The following GFRAL variants were observed in gnomAD, a reference collection of about 807,000 sequenced individuals.
GFRAL encodes GDNF family receptor alpha like, also known as GDNF family receptor alpha-like.
Under a neutral mutation model 45.4 loss-of-function variants are expected in GFRAL, and 36 were observed. The ratio of observed to expected loss-of-function variants is 0.79; its 90% CI spans 0.61 to 1.05. The LOEUF (loss-of-function observed/expected upper bound fraction) is 1.05. Among genes scored for constraint, GFRAL ranks in the 50% least tolerant of loss-of-function variants. The pLI, the probability that GFRAL is intolerant of heterozygous loss-of-function variation, is 0.00. For missense variants in GFRAL, 507 were observed against 467.5 expected, an observed-to-expected ratio of 1.08 and a Z score of -0.78; for synonymous variants, 166 against 154.1, an observed-to-expected ratio of 1.08 and a Z score of -0.57.
chr6:55,370,616 T>G (rs1457455673), intron 6 of GFRAL, among the ~76,000 whole-genome samples: 2 of 152,214 alleles, frequency 1.3e-5, no homozygotes, highest in Admixed American at 1.3e-4. Flanking sequence ...TAGGGAGCAG[T>G]TCTCAATCTT....
At chr6:55,389,659 C>G (rs1053510579) in intron 6 of GFRAL, among the ~76,000 whole-genome samples, 4 of 152,116 alleles carry the variant, frequency 2.6e-5, no homozygotes, top group African/African-American at 9.7e-5. Flanking sequence ...AGAGCAAGGT[C>G]TTCAATCCAT....
At chr6:55,339,542 T>C (rs566228539) in intron 3 of GFRAL, among the ~76,000 whole-genome samples, 3 of 152,208 alleles carry the variant, frequency 2.0e-5, no homozygotes, top group African/African-American at 7.2e-5. Context: ...AAGAATTTTA[T>C]GACCTATTTG....
At chr6:55,379,162 A>G (rs536985589) in intron 6 of GFRAL, among the ~76,000 whole-genome samples, 16 of 151,910 alleles carry the variant, frequency 1.1e-4, no homozygotes, top group Non-Finnish European at 2.1e-4. Context: ...TTATTTTTAT[A>G]TTTTTAACTT....
At chr6:55,355,388 C>T (rs780479929) in intron 5 of GFRAL, among the ~76,000 whole-genome samples, 5 of 151,934 alleles carry the variant, frequency 3.3e-5, no homozygotes, top group Non-Finnish European at 5.9e-5. Flanking sequence ...GTTTGAATGG[C>T]TATAGAGTAT....
At chr6:55,370,261 T>G (rs562998366) in intron 6 of GFRAL, among the ~76,000 whole-genome samples, 10 of 152,264 alleles carry the variant, frequency 6.6e-5, no homozygotes, top group Admixed American at 1.3e-4. Context: ...ATCACATTCT[T>G]TTCTTTCCCA....
At chr6:55,371,878 T>G (rs1768455446) in intron 6 of GFRAL, among the ~76,000 whole-genome samples, 1 of 152,210 alleles carries the variant, frequency 6.6e-6, no homozygotes, top group Non-Finnish European at 1.5e-5. Flanking sequence ...AACTTATTCA[T>G]TAGCACCATG....
intron 3 of GFRAL, among the ~76,000 whole-genome samples, chr6:55,334,533 ACAGTTTC>A (rs2127350241): frequency 6.6e-6 from 1 of 152,318 alleles, no homozygotes; most frequent in East Asian, 1.9e-4. Flanking sequence ...TCTAAAGTCA[ACAGTTTC>A]CAGTCTTCAA....
At chr6:55,329,927 C>T (rs1351758036) in intron 1 of GFRAL, among the ~76,000 whole-genome samples, 1 of 152,080 alleles carries the variant, frequency 6.6e-6, no homozygotes, top group Non-Finnish European at 1.5e-5. Flanking sequence ...TAATTAACAA[C>T]AGCATTTAAA....
intron 6 of GFRAL, among the ~76,000 whole-genome samples, chr6:55,374,659 G>C (rs940111029): frequency 1.3e-5 from 2 of 152,008 alleles, no homozygotes; most frequent in Non-Finnish European, 2.9e-5. Flanking sequence ...TTTTGCTTTT[G>C]TTGCAATTGC....
chr6:55,392,807 G>T (rs1419811764), intron 6 of GFRAL, among the ~76,000 whole-genome samples: 1 of 151,896 alleles, frequency 6.6e-6, no homozygotes, highest in Non-Finnish European at 1.5e-5. Context: ...AAAATAATTT[G>T]CACAACAAAC....
At chr6:55,391,048 G>A (rs907173499) in intron 6 of GFRAL, among the ~76,000 whole-genome samples, 12 of 151,924 alleles carry the variant, frequency 7.9e-5, no homozygotes, top group Middle Eastern at 3.4e-3. Context: ...TTTTATATAG[G>A]GGAAACATGA....
At chr6:55,361,054 G>A (rs896847327) in intron 6 of GFRAL, among the ~76,000 whole-genome samples, 1 of 152,010 alleles carries the variant, frequency 6.6e-6, no homozygotes, top group East Asian at 1.9e-4. Context: ...AAAATTTGCA[G>A]AGGCACTAAA....
intron 6 of GFRAL, among the ~76,000 whole-genome samples, chr6:55,392,458 G>A (rs1368762145): frequency 6.6e-6 from 1 of 152,186 alleles, no homozygotes; most frequent in Non-Finnish European, 1.5e-5. Context: ...AATGATCCAT[G>A]AATTCATTTC....
chr6:55,398,149 T>C (rs900566051), intron 6 of GFRAL, among the ~76,000 whole-genome samples: 4 of 152,202 alleles, frequency 2.6e-5, no homozygotes, highest in African/African-American at 9.6e-5. Context: ...AAGCAATGCA[T>C]GACTGTAGAT....
At chr6:55,399,694 A>T (rs1197749913) in intron 8 of GFRAL, among the ~76,000 whole-genome samples, 1 of 152,138 alleles carries the variant, frequency 6.6e-6, no homozygotes, top group Non-Finnish European at 1.5e-5. Flanking sequence ...TGTTCCTTCC[A>T]ATTAAACTCT....
At chr6:55,364,349 G>C (rs1211739698) in intron 6 of GFRAL, among the ~76,000 whole-genome samples, 1 of 149,972 alleles carries the variant, frequency 6.7e-6, no homozygotes, top group Non-Finnish European at 1.5e-5. Context: ...CCCTTTGTCG[G>C]ATGAGTAGGT....
chr6:55,328,799 A>C (rs567976971), intron 1 of GFRAL, among the ~76,000 whole-genome samples: 1 of 152,036 alleles, frequency 6.6e-6, no homozygotes, highest in Non-Finnish European at 1.5e-5. Flanking sequence ...GAAGGAGGGA[A>C]ATAACTTCTT....
At chr6:55,332,461 C>T (rs1278404608) in intron 2 of GFRAL, among the ~76,000 whole-genome samples, 2 of 151,790 alleles carry the variant, frequency 1.3e-5, no homozygotes, top group African/African-American at 4.8e-5. Context: ...TGGTCTGTCG[C>T]CAGGCTGGAG....
At chr6:55,387,945 G>T (rs958706948) in intron 6 of GFRAL, among the ~76,000 whole-genome samples, 10 of 152,140 alleles carry the variant, frequency 6.6e-5, no homozygotes, top group Non-Finnish European at 1.5e-4. Flanking sequence ...AAACAAATTA[G>T]TTCTCAAACT....
Sources: gnomAD v4.1 joint callset for allele counts (sites outside exome capture counted in the v4.1 genomes callset) on GRCh38, gnomAD v4.1.1 for gene constraint, MANE v1.5 for transcripts, NCBI Gene and HGNC (gene_info 2026-07-23, HGNC 2026-07-21) for gene names.